The following EBF4 variants were observed in gnomAD, a reference collection of about 807,000 sequenced individuals.
The protein encoded by EBF4 is EBF transcription factor 4.
EBF4 carries 34 observed loss-of-function variants against 67.1 expected under a neutral mutation model. The ratio of observed to expected loss-of-function variants is 0.51; its 90% CI spans 0.39 to 0.67. EBF4 has a LOEUF of 0.67. EBF4 is among the 30% of genes least tolerant of loss of function. The probability of loss-of-function intolerance (pLI) is 0.00; values close to 1 mark genes in which losing one functional copy is unlikely to be tolerated. For synonymous variants in EBF4, 387 were observed against 377.7 expected (o/e 1.02, Z -0.29); for missense variants, 837 against 873.3 (o/e 0.96, Z 0.52).
At chr20:2,754,470 C>T (rs1006444889) in intron 14 of EBF4, among the ~76,000 whole-genome samples, 1 of 152,146 alleles carries the variant, frequency 6.6e-6, no homozygotes, top group African/African-American at 2.4e-5. Context: ...GGTCTCAAGC[C>T]CTTCATCGGG....
chr20:2,701,029 G>C (rs1054083734), intron 1 of EBF4, among the ~76,000 whole-genome samples: 1 of 152,238 alleles, frequency 6.6e-6, no homozygotes, highest in African/African-American at 2.4e-5. Flanking sequence ...TGCGCTGCAG[G>C]GCTCTTGCCC....
At chr20:2,750,438 TACAC>T (rs1160175366) in intron 10 of EBF4, among the ~76,000 whole-genome samples, 2 of 152,030 alleles carry the variant, frequency 1.3e-5, no homozygotes, top group African/African-American at 4.8e-5. Context: ...CGTGCGTACA[TACAC>T]ACCCCTTGCA....
intron 1 of EBF4, among the ~76,000 whole-genome samples, chr20:2,694,218 C>A (rs539907114): frequency 3.9e-5 from 6 of 152,320 alleles, no homozygotes; most frequent in Admixed American, 2.0e-4. Context: ...CCCCCTTTTT[C>A]CTTTCCCACG....
In EBF4 at chr20:2,693,911, C is replaced by T. The variant is rs896511551; in HGVS notation, c.137+129C>T. 1.1e-5 allele frequency: 13 copies of T among 1,176,278 alleles called. 1 individual carries two copies. The highest frequency in any genetic ancestry group is 1.4e-5 in the Non-Finnish European group (13 of 936,230). 72.9% of individuals were successfully genotyped at this position (1,176,278 alleles called of 1,614,324 possible). On this transcript the variant is annotated intron_variant, in intron 1 of 16. Coordinates refer to ENST00000609451, the Ensembl canonical transcript of EBF4. The surrounding 1 kb of genome is among the most constrained non-coding windows in gnomAD (Gnocchi z 4.6). The stretch of plus-strand genomic sequence containing the variant: ...CTCTGGACGGTCCCGGCGAGCTCCC[C>T]GGCCCACCCCGTCCGGAGTGCCTGT...
In EBF4 at chr20:2,739,593, T is replaced by G. The variant is rs2087939736; in HGVS notation, c.558-8956T>G. On this transcript the variant is annotated intron_variant, in intron 6 of 16. Coordinates refer to ENST00000609451, the Ensembl canonical transcript of EBF4. The surrounding 1 kb of genome is among the most constrained non-coding windows in gnomAD (Gnocchi z 4.5). ...ACACATAGAAGGTATTTAATAAATC[T>G]TTTTAAGTGGGTGTATGGAATGAAT... 6.6e-6 allele frequency among the ~76,000 whole-genome samples: 1 copy of G among 152,238 alleles called. No homozygotes were observed. The highest frequency in any genetic ancestry group is 1.5e-5 in the Non-Finnish European group (1 of 68,046).
chr20:2,706,143 G>A (rs2087454709), intron 3 of EBF4, 66 bp from the exon 4 acceptor site: 1 of 1,550,278 alleles, frequency 6.5e-7, no homozygotes, highest in Non-Finnish European at 8.7e-7. Flanking sequence ...AGGGTGTGAT[G>A]TGGTCTGGTC....
At chr20:2,754,976 C>CGCCA (rs1555789869) in intron 14 of EBF4, 1 of 114,590 alleles carries the variant, frequency 8.7e-6, no homozygotes, top group East Asian at 3.1e-4. Context: ...GACCACCCCC[C>CGCCA]CCCACAGGGC....
intron 5 of EBF4, among the ~76,000 whole-genome samples, chr20:2,708,989 C>T (rs1253425596): frequency 1.3e-5 from 2 of 152,144 alleles, no homozygotes; most frequent in South Asian, 4.1e-4. Flanking sequence ...AGTTCAAAAG[C>T]AGCCTGGCCA....
At position 2,745,668 on chromosome 20, in the gene EBF4, AC is replaced by A. The variant is rs1213030364; in HGVS notation, c.558-2879del. 1.3e-5 allele frequency among the ~76,000 whole-genome samples: 2 copies of A among 152,212 alleles called. No homozygotes were observed. Among genetic ancestry groups the A allele is most frequent in the Non-Finnish European group, 1.5e-5 (1 of 68,036 alleles). ...GGAAGGGCCAGTGAGGGAGCAGGAA[AC>A]CACAGCCTTGGGGAGGGCAGAAGTA... On this transcript the variant is annotated intron_variant, in intron 6 of 16. Coordinates refer to ENST00000609451, the Ensembl canonical transcript of EBF4. The surrounding 1 kb of genome is among the most constrained non-coding windows in gnomAD (Gnocchi z 5.2).
At chr20:2,731,709 G>A (rs1364750427) in intron 6 of EBF4, among the ~76,000 whole-genome samples, 2 of 152,176 alleles carry the variant, frequency 1.3e-5, no homozygotes, top group African/African-American at 2.4e-5. Context: ...TTCTCTGTCC[G>A]TGGGTACCAG....
intron 6 of EBF4, among the ~76,000 whole-genome samples, chr20:2,724,469 G>T (rs909941535): frequency 3.9e-5 from 6 of 152,290 alleles, no homozygotes; most frequent in African/African-American, 1.4e-4. Flanking sequence ...TCCTTGAAAA[G>T]ATTGGCTGGT....
At chr20:2,715,637 C>G (rs1036441974) in intron 6 of EBF4, among the ~76,000 whole-genome samples, 2 of 152,226 alleles carry the variant, frequency 1.3e-5, no homozygotes, top group Non-Finnish European at 2.9e-5. Flanking sequence ...TAATGTCACA[C>G]TTCTTATCGT....
At chr20:2,719,322 T>G (rs766218963) in intron 6 of EBF4, among the ~76,000 whole-genome samples, 3 of 152,192 alleles carry the variant, frequency 2.0e-5, no homozygotes, top group Non-Finnish European at 4.4e-5. Context: ...TTGCCCAAGC[T>G]GGAGTGCAGT....
Position 2,696,450 on chromosome 20 carries a change from C to A in EBF4, c.137+2668C>A, listed in dbSNP as rs181922243. Among the ~76,000 whole-genome samples the A allele has an allele frequency of 1.3e-5, 2 of 151,904 alleles. No homozygotes were observed. The highest frequency in any genetic ancestry group is 2.4e-5 in the African/African-American group (1 of 41,346). On this transcript the variant is annotated intron_variant, in intron 1 of 16. Coordinates refer to ENST00000609451, the Ensembl canonical transcript of EBF4. This position sits in a 1 kb window ranked among gnomAD's most constrained non-coding sequence, Gnocchi z 4.7. ...TCGCACCACTGTACTCCAGCCTGGGCGGCAGAGTGAAACTGTGCCTCAAAA... is the reference window on the plus strand; with the variant it reads ...TCGCACCACTGTACTCCAGCCTGGGAGGCAGAGTGAAACTGTGCCTCAAAA...
At chr20:2,740,960 C>T (rs1291788185) in intron 6 of EBF4, among the ~76,000 whole-genome samples, 1 of 151,992 alleles carries the variant, frequency 6.6e-6, no homozygotes, top group Non-Finnish European at 1.5e-5. Context: ...GCAGCTGGGG[C>T]ATGAGGGAAT....
chr20:2,721,241 CTCT>C (rs1386286645), intron 6 of EBF4, among the ~76,000 whole-genome samples: 1 of 125,692 alleles, frequency 8.0e-6, no homozygotes, highest in Non-Finnish European at 1.6e-5. Context: ...CTCACTGATT[CTCT>C]TCTTTTTTTT....
rs1408199538 is a variant in EBF4 at position 2,693,860 on chromosome 20, G to A, written c.137+78G>A. Reference sequence around the variant, plus strand: ...CTCAGCTCAGCTTGCTGGAGCTGCTGGAGCCAGGGGCGGAAGGAGCCCTAA... The same window carrying A: ...CTCAGCTCAGCTTGCTGGAGCTGCTAGAGCCAGGGGCGGAAGGAGCCCTAA... On this transcript the variant is annotated intron_variant, in intron 1 of 16. Coordinates refer to ENST00000609451, the Ensembl canonical transcript of EBF4. The surrounding 1 kb of genome is among the most constrained non-coding windows in gnomAD (Gnocchi z 4.6). The A allele has an allele frequency of 3.8e-5, 48 of 1,253,146 alleles. No homozygotes were observed. Among genetic ancestry groups the A allele is most frequent in the Non-Finnish European group, 4.4e-5 (44 of 998,252 alleles). 77.6% of individuals were successfully genotyped at this position (1,253,146 alleles called of 1,614,324 possible). A position where few individuals can be genotyped will look rare whatever the true frequency, so the allele number is the denominator to read the frequency against.
intron 6 of EBF4, among the ~76,000 whole-genome samples, chr20:2,731,963 G>T (rs866172257): frequency 1.3e-5 from 2 of 152,216 alleles, no homozygotes; most frequent in Non-Finnish European, 2.9e-5. Flanking sequence ...TTGCATGCTA[G>T]GTTGGGCCCC....
chr20:2,735,071 G>T (rs1406614231), intron 6 of EBF4, among the ~76,000 whole-genome samples: 1 of 152,134 alleles, frequency 6.6e-6, no homozygotes, highest in Admixed American at 6.5e-5. Context: ...CCCCCAACTT[G>T]TATTGCTGCC....
Sources: allele counts gnomAD v4.1 joint callset (sites outside exome capture counted in the v4.1 genomes callset), GRCh38; gene constraint gnomAD v4.1.1; non-coding constraint Gnocchi (gnomAD v3.1); transcripts MANE v1.5; gene names NCBI Gene and HGNC (gene_info 2026-07-23, HGNC 2026-07-21).